THSD4: variants seen among roughly 807,000 people sequenced by gnomAD.
THSD4 encodes thrombospondin type-1 domain-containing protein 4.
In THSD4, 69 loss-of-function variants were observed where a neutral mutation model predicts 119.0. The ratio of observed to expected loss-of-function variants is 0.58; its 90% CI spans 0.48 to 0.71. The LOEUF (loss-of-function observed/expected upper bound fraction) is 0.71, where lower values mean the gene tolerates loss of function less well. Among genes scored for constraint, THSD4 ranks in the 30% least tolerant of loss-of-function variants. The pLI is 0.00. For missense variants in THSD4, 1,393 were observed against 1,391.1 expected, an observed-to-expected ratio of 1.00 and a Z score of -0.02; for synonymous variants, 524 against 540.4, an observed-to-expected ratio of 0.97 and a Z score of 0.42.
chr15:71,362,353 G>C (rs1198747750), intron 6 of THSD4, among the ~76,000 whole-genome samples: 1 of 152,184 alleles, frequency 6.6e-6, no homozygotes, highest in Non-Finnish European at 1.5e-5. Flanking sequence ...TGTACCTTTT[G>C]AATTTTGAAC....
In THSD4 at chr15:71,771,296, G is replaced by A. The variant is rs1413669279; in HGVS notation, c.2914+88G>A. Reference sequence around the variant, plus strand: ...GTGTGACAATAACAAGCCTCTTCTAGGTCTTTCTGTGACCTTGCACACAGT... The same window carrying A: ...GTGTGACAATAACAAGCCTCTTCTAAGTCTTTCTGTGACCTTGCACACAGT... On this transcript the variant is annotated intron_variant, in intron 17 of 17. Transcript: ENST00000261862. 2.0e-6 allele frequency: 3 copies of A among 1,527,932 alleles called. No homozygotes were observed. The Admixed American group carries it at 5.5e-5, about 28-fold the overall frequency. The allele number at this position is 1,527,932 out of a possible 1,614,324, so 94.6% of individuals were successfully genotyped here.
chr15:71,525,416 A>G (rs914983478), intron 7 of THSD4, among the ~76,000 whole-genome samples: 4 of 152,208 alleles, frequency 2.6e-5, no homozygotes, highest in Admixed American at 2.0e-4. Context: ...AAGACTTGCA[A>G]GTGGAAATAT....
At position 71,664,939 on chromosome 15, in the gene THSD4, G is replaced by A. The variant is rs150147158; in HGVS notation, c.1357+4205G>A. 8.4e-4 allele frequency among the ~76,000 whole-genome samples: 128 copies of A among 152,202 alleles called. No individual in the cohort carries two copies. The Middle Eastern group carries it at 0.01, about 12-fold the overall frequency. The stretch of plus-strand genomic sequence containing the variant: ...TTCCATGTCTTTGCTATAATGAATA[G>A]TGCTGCAGTGAACATATGCATGCAT... On this transcript the variant is annotated intron_variant, in intron 8 of 17. Transcript: ENST00000261862.
At chr15:71,283,212 G>A (rs143333888) in intron 6 of THSD4, among the ~76,000 whole-genome samples, 803 of 152,166 alleles carry the variant, frequency 5.3e-3, no homozygotes, top group Non-Finnish European at 8.8e-3. Context: ...GTCACGATCC[G>A]CCAGCCTCGG....
chr15:71,591,005 C>CAAAAAAAAAAAA (rs67271025), intron 7 of THSD4, among the ~76,000 whole-genome samples: 85 of 57,496 alleles, frequency 1.5e-3, no homozygotes, highest in South Asian at 2.6e-3. Context: ...GACTCCATCT[C>CAAAAAAAAAAAA]AAAAAAAAAA....
At chr15:71,573,874 C>A (rs1458565170) in intron 7 of THSD4, among the ~76,000 whole-genome samples, 1 of 152,192 alleles carries the variant, frequency 6.6e-6, no homozygotes, top group Non-Finnish European at 1.5e-5. Context: ...TTAGCTGTTT[C>A]CCCAGCACCT....
In THSD4 at chr15:71,765,108, C is replaced by G; in HGVS notation, c.2678C>G (p.Ser893Cys). ...GACACCTTTGAAGTGTTGGACCCCT[C>G]TGAATGTTCTTTCCTGGAGAAACCC... ...NADTFEVLDPSECSFLEKPPS... is the reference protein window; with the variant it reads ...NADTFEVLDPCECSFLEKPPS... Residue 893 changes from serine to cysteine, a missense_variant, in exon 16 of 18, where the codon TCT becomes TGT. Coordinates refer to ENST00000261862, the MANE Select transcript of THSD4 (RefSeq NM_024817.3). 6.2e-7 allele frequency: 1 copy of G among 1,614,264 alleles called. No homozygotes were observed. Among genetic ancestry groups the G allele is most frequent in the Non-Finnish European group, 8.5e-7 (1 of 1,180,048 alleles).
At chr15:71,311,483 G>A (rs1295553317) in intron 6 of THSD4, among the ~76,000 whole-genome samples, 1 of 152,140 alleles carries the variant, frequency 6.6e-6, no homozygotes, top group Non-Finnish European at 1.5e-5. Flanking sequence ...CCTCTTCCAA[G>A]GCATTTTTTG....
intron 1 of THSD4, among the ~76,000 whole-genome samples, chr15:71,127,983 C>A (rs990062618): frequency 1.3e-5 from 2 of 152,092 alleles, no homozygotes; most frequent in African/African-American, 2.4e-5. Context: ...TCCAGGCCAG[C>A]GTCTTGTAGT....
At chr15:71,481,642 C>G (rs922796066) in intron 7 of THSD4, among the ~76,000 whole-genome samples, 5 of 151,648 alleles carry the variant, frequency 3.3e-5, no homozygotes, top group Non-Finnish European at 7.4e-5. Context: ...GCCTCTTTCC[C>G]CTTTTCATTT....
rs62015915 is a variant in THSD4 at position 71,516,642 on chromosome 15, G to A, written c.1152+104819G>A. On this transcript the variant is annotated intron_variant, in intron 7 of 17. Transcript: ENST00000261862. ...TTTGCACACTGTCTTCACAATTTAT[G>A]CCACATCTGTGTGCCACCTGTACCA... is the stretch of plus-strand genomic sequence containing the variant. Among the ~76,000 whole-genome samples, 1,317 of 152,172 alleles carry A rather than the reference G, an allele frequency of 8.7e-3. 7 individuals are homozygous for A. The highest frequency in any genetic ancestry group is 0.013 in the Non-Finnish European group (894 of 68,010).
intron 7 of THSD4, among the ~76,000 whole-genome samples, chr15:71,453,277 T>A (rs2047291824): frequency 1.3e-5 from 2 of 152,238 alleles, no homozygotes; most frequent in African/African-American, 4.8e-5. Flanking sequence ...TTCTCTACAA[T>A]GTAGCTTACA....
intron 8 of THSD4, among the ~76,000 whole-genome samples, chr15:71,711,083 G>GTATATATATATATATATACATATATA (rs56201476): frequency 1.6e-5 from 2 of 128,218 alleles, no homozygotes; most frequent in Non-Finnish European, 3.1e-5. Flanking sequence ...ATATATATAT[G>GTATATATATATATATATACATATATA]TATATATATA....
intron 6 of THSD4, among the ~76,000 whole-genome samples, chr15:71,406,446 A>G (rs574131258): frequency 6.6e-6 from 1 of 152,186 alleles, no homozygotes; most frequent in South Asian, 2.1e-4. Context: ...ATTGGTTTAT[A>G]GTGTTGTTCA....
At chr15:71,115,310 G>T (rs2040347505), upstream of THSD4, 1 of 152,468 alleles carries the variant, frequency 6.6e-6, no homozygotes, top group Non-Finnish European at 1.5e-5. The surrounding 1 kb of genome is among the most constrained non-coding windows in gnomAD (Gnocchi z 4.4). Context: ...GGGACCCAGG[G>T]ACCATCCCGT....
chr15:71,599,902 A>G (rs1363963305), intron 7 of THSD4, among the ~76,000 whole-genome samples: 1 of 152,210 alleles, frequency 6.6e-6, no homozygotes, highest in African/African-American at 2.4e-5. Context: ...TTCCAGCTGC[A>G]GAGCCACAAA....
At chr15:71,168,072 A>G (rs2043312050) in intron 3 of THSD4, among the ~76,000 whole-genome samples, 1 of 152,248 alleles carries the variant, frequency 6.6e-6, no homozygotes, top group Non-Finnish European at 1.5e-5. Context: ...AGTATCACAA[A>G]GAACTATTCA....
At chr15:71,643,365 A>C (rs1313453763) in intron 7 of THSD4, among the ~76,000 whole-genome samples, 1 of 152,066 alleles carries the variant, frequency 6.6e-6, no homozygotes, top group African/African-American at 2.4e-5. Context: ...GTATAGGTAA[A>C]CTCATGTCAC....
At chr15:71,271,391 T>C (rs2044529268) in intron 6 of THSD4, among the ~76,000 whole-genome samples, 1 of 152,226 alleles carries the variant, frequency 6.6e-6, no homozygotes, top group Non-Finnish European at 1.5e-5. Context: ...TACTGTCTGA[T>C]TCCATTTATA....
Sources: allele counts gnomAD v4.1 joint callset (sites outside exome capture counted in the v4.1 genomes callset), GRCh38; gene constraint gnomAD v4.1.1; non-coding constraint Gnocchi (gnomAD v3.1); transcripts MANE v1.5; gene names NCBI Gene and HGNC (gene_info 2026-07-23, HGNC 2026-07-21).